Variants in FOXO1 observed in about 807,000 individuals in gnomAD.
The protein encoded by FOXO1 is forkhead box O1, also known as forkhead box protein O1.
A neutral mutation model predicts 44.1 loss-of-function variants in FOXO1; 6 were observed. That is an observed-to-expected ratio of 0.14 (90% confidence interval 0.07 to 0.27). FOXO1 has a LOEUF of 0.27. Ranked by LOEUF, FOXO1 falls within the 10% of genes least tolerant of loss-of-function variation. The probability of loss-of-function intolerance (pLI) is 1.00; values close to 1 mark genes in which losing one functional copy is unlikely to be tolerated. For synonymous variants in FOXO1, 380 were observed against 362.7 expected (o/e 1.05, Z -0.54); for missense variants, 737 against 888.8 (o/e 0.83, Z 2.17).
intron 1 of FOXO1, among the ~76,000 whole-genome samples, chr13:40,605,480 A>G (rs1188445605): frequency 6.6e-6 from 1 of 152,166 alleles, no homozygotes; most frequent in African/African-American, 2.4e-5. Flanking sequence ...AATGATGGGG[A>G]CATGGCTCCC....
intron 1 of FOXO1, among the ~76,000 whole-genome samples, chr13:40,652,624 C>A (rs1593416284): frequency 6.6e-6 from 1 of 152,178 alleles, no homozygotes; most frequent in East Asian, 1.9e-4. Flanking sequence ...ACATGCCTAT[C>A]TTGATGTTAC....
intron 1 of FOXO1, among the ~76,000 whole-genome samples, chr13:40,606,278 A>G (rs1016984201): frequency 6.6e-6 from 1 of 151,914 alleles, no homozygotes; most frequent in Non-Finnish European, 1.5e-5. Flanking sequence ...GACCAGCAAC[A>G]TGGTTGGTTG....
chr13:40,654,488 G>A (rs568077012), intron 1 of FOXO1, among the ~76,000 whole-genome samples: 22 of 140,000 alleles, frequency 1.6e-4, no homozygotes, highest in Middle Eastern at 3.6e-3. Context: ...GCGACAGAGC[G>A]AGACTCTGTC....
intron 1 of FOXO1, among the ~76,000 whole-genome samples, chr13:40,575,564 A>C (rs1250467801): frequency 6.6e-6 from 1 of 152,260 alleles, no homozygotes; most frequent in Non-Finnish European, 1.5e-5. Context: ...CCTAATGTAA[A>C]GTATTTCAAT....
At chr13:40,617,421 G>C (rs1876465229) in intron 1 of FOXO1, among the ~76,000 whole-genome samples, 1 of 150,210 alleles carries the variant, frequency 6.7e-6, no homozygotes, top group Admixed American at 6.6e-5. Flanking sequence ...GGCAACAAGA[G>C]CAAAACTCCG....
chr13:40,632,499 G>A (rs555690522), intron 1 of FOXO1, among the ~76,000 whole-genome samples: 1 of 152,232 alleles, frequency 6.6e-6, no homozygotes, highest in South Asian at 2.1e-4. Context: ...TTAGCCAGGG[G>A]TGGTGGTGGG....
At chr13:40,629,518 T>C (rs889757538) in intron 1 of FOXO1, among the ~76,000 whole-genome samples, 7 of 152,228 alleles carry the variant, frequency 4.6e-5, no homozygotes, top group South Asian at 2.1e-4. Flanking sequence ...CTATCCCTTA[T>C]CCAAAATGAT....
chr13:40,568,960 G>A (rs954393874), intron 1 of FOXO1, among the ~76,000 whole-genome samples: 2 of 151,944 alleles, frequency 1.3e-5, no homozygotes, highest in African/African-American at 4.8e-5. Context: ...GAACCACATG[G>A]AGCTTTAGTA....
intron 1 of FOXO1, among the ~76,000 whole-genome samples, chr13:40,656,600 C>T (rs1291717940): frequency 6.6e-6 from 1 of 152,196 alleles, no homozygotes; most frequent in African/African-American, 2.4e-5. Flanking sequence ...AACTGCAGTA[C>T]ACTGGCTATA....
chr13:40,567,913 A>G (rs1874331402), intron 1 of FOXO1, among the ~76,000 whole-genome samples: 1 of 152,096 alleles, frequency 6.6e-6, no homozygotes, highest in Non-Finnish European at 1.5e-5. Flanking sequence ...GGTTGCAGTG[A>G]GCCGAGATCG....
chr13:40,580,337 A>G (rs188552820), intron 1 of FOXO1, among the ~76,000 whole-genome samples: 294 of 152,314 alleles, frequency 1.9e-3, no homozygotes, highest in African/African-American at 6.7e-3. Flanking sequence ...AGGAAACAAT[A>G]TATCTTTCCT....
intron 1 of FOXO1, among the ~76,000 whole-genome samples, chr13:40,608,810 C>T (rs1452570109): frequency 6.6e-6 from 1 of 152,160 alleles, no homozygotes; most frequent in Non-Finnish European, 1.5e-5. Context: ...TGTCACGTCA[C>T]AAAATGCCTC....
rs57350461 is a variant in FOXO1 at position 40,662,170 on chromosome 13, CAAAAAAAA to C, written c.630+3405_630+3412del. ...TGGGCAACAGAGTGAGACTCTGACT[CAAAAAAAA>C]AAAAAAAAAAAAAAAAAAGATATTT... On this transcript the variant is annotated intron_variant, in intron 1 of 2. Coordinates refer to ENST00000379561, the MANE Select transcript of FOXO1 (RefSeq NM_002015.4). 2.2e-3 allele frequency among the ~76,000 whole-genome samples: 122 copies of C among 56,730 alleles called. 1 individual carries two copies. The East Asian group carries it at 0.035, about 16-fold the overall frequency. 37.2% of individuals were successfully genotyped at this position (56,730 alleles called of 152,430 possible). A position where few individuals can be genotyped will look rare whatever the true frequency, so the allele number is the denominator to read the frequency against.
At chr13:40,658,584 A>T (rs1359846022) in intron 1 of FOXO1, among the ~76,000 whole-genome samples, 2 of 152,236 alleles carry the variant, frequency 1.3e-5, no homozygotes, top group Non-Finnish European at 2.9e-5. Context: ...GTCCACAACT[A>T]GTCCTGAGGT....
rs1177296849 is a variant in FOXO1 at position 40,560,226 on chromosome 13, T to G, written c.1265A>C (p.Gln422Pro). 1 of 1,614,184 alleles carries G rather than the reference T, an allele frequency of 6.2e-7. No homozygotes were observed. The highest frequency in any genetic ancestry group is 1.7e-5 in the Admixed American group (1 of 60,020). The change falls in exon 2 of 3, where the codon CAA (glutamine) becomes CCA (proline). Residue 422 changes from glutamine (Q) to proline (P), a missense_variant. By Grantham distance (76) the Gln-to-Pro change is moderately conservative. Transcript: ENST00000379561. The surrounding 1 kb of genome is among the most constrained non-coding windows in gnomAD (Gnocchi z 5.1). ...GCTGGATTGGCCATATGTATATTTT[T>G]GGTAGTTTGGGCTGGGTGAATTCAA... Reference protein sequence around the residue: ...TSLNSPSPNYQKYTYGQSSMS... With the variant: ...TSLNSPSPNYPKYTYGQSSMS...
At chr13:40,561,609 G>A (rs1266735349) in intron 1 of FOXO1, among the ~76,000 whole-genome samples, 1 of 151,790 alleles carries the variant, frequency 6.6e-6, no homozygotes, top group Non-Finnish European at 1.5e-5. Flanking sequence ...ACATAAAGAA[G>A]TTTTATATTA....
intron 1 of FOXO1, among the ~76,000 whole-genome samples, chr13:40,647,259 C>G (rs1274398063): frequency 6.6e-6 from 1 of 152,198 alleles, no homozygotes; most frequent in African/African-American, 2.4e-5. Context: ...AACCTCAAAC[C>G]CTAATTCTTT....
At chr13:40,659,314 C>CAAAAA (rs1210028542) in intron 1 of FOXO1, among the ~76,000 whole-genome samples, 46 of 87,446 alleles carry the variant, frequency 5.3e-4, no homozygotes, top group African/African-American at 1.1e-3. Flanking sequence ...GACTCCGTCT[C>CAAAAA]AAAAAAAAAA....
intron 1 of FOXO1, among the ~76,000 whole-genome samples, chr13:40,565,734 G>A (rs1412724010): frequency 6.6e-6 from 1 of 152,148 alleles, no homozygotes; most frequent in East Asian, 1.9e-4. Context: ...TAGTATGCGT[G>A]GAAAGGCTTA....
Sources: allele counts gnomAD v4.1 joint callset (sites outside exome capture counted in the v4.1 genomes callset), GRCh38; gene constraint gnomAD v4.1.1; non-coding constraint Gnocchi (gnomAD v3.1); transcripts MANE v1.5; gene names NCBI Gene and HGNC (gene_info 2026-07-23, HGNC 2026-07-21).